Variants in FRAS1 observed in about 807,000 individuals in gnomAD.
The protein encoded by FRAS1 is Fraser extracellular matrix complex subunit 1.
FRAS1 carries 290 observed loss-of-function variants against 435.2 expected under a neutral mutation model. The ratio of observed to expected loss-of-function variants is 0.67; its 90% CI spans 0.61 to 0.73. The LOEUF (loss-of-function observed/expected upper bound fraction) is 0.73, where lower values mean the gene tolerates loss of function less well. FRAS1 is among the 30% of genes least tolerant of loss of function. The pLI, the probability that FRAS1 is intolerant of heterozygous loss-of-function variation, is 0.00. For missense variants in FRAS1, 4,860 were observed against 5,001.5 expected (o/e 0.97, Z 0.85); for synonymous variants, 1,800 against 1,851.0 (o/e 0.97, Z 0.71).
intron 2 of FRAS1, among the ~76,000 whole-genome samples, chr4:78,202,624 G>A (rs1326920686): frequency 6.6e-6 from 1 of 152,208 alleles, no homozygotes; most frequent in Non-Finnish European, 1.5e-5. Flanking sequence ...CCAGCAAGCA[G>A]AGGTTGCAGT....
chr4:78,087,840 G>T (rs1741275480), intron 2 of FRAS1, among the ~76,000 whole-genome samples: 1 of 152,126 alleles, frequency 6.6e-6, no homozygotes, highest in Non-Finnish European at 1.5e-5. Flanking sequence ...TGTGAAAATG[G>T]CCATACTGCC....
intron 2 of FRAS1, among the ~76,000 whole-genome samples, chr4:78,159,287 T>C (rs1025484577): frequency 3.9e-5 from 6 of 152,050 alleles, no homozygotes; most frequent in African/African-American, 1.4e-4. Flanking sequence ...ATGGAAAATA[T>C]AGAGGAAGTG....
intron 2 of FRAS1, among the ~76,000 whole-genome samples, chr4:78,214,015 G>A (rs181045130): frequency 4.6e-5 from 7 of 152,336 alleles, no homozygotes; most frequent in African/African-American, 1.7e-4. Context: ...GCTGGAACTC[G>A]GGAATAAGGT....
intron 23 of FRAS1, among the ~76,000 whole-genome samples, chr4:78,371,621 T>A (rs61366363): frequency 0.17 from 25,391 of 152,118 alleles, 2,706 homozygotes; most frequent in East Asian, 0.33. Flanking sequence ...GATAAAAACA[T>A]GATTGTAGGA....
chr4:78,280,641 A>G (rs1405788072), intron 10 of FRAS1, among the ~76,000 whole-genome samples: 1 of 147,860 alleles, frequency 6.8e-6, no homozygotes, highest in African/African-American at 2.5e-5. Flanking sequence ...GTTTCTGTAC[A>G]TTCTGGGGAG....
chr4:78,186,294 C>A (rs191571704), intron 2 of FRAS1, among the ~76,000 whole-genome samples: 23 of 151,940 alleles, frequency 1.5e-4, no homozygotes, highest in Admixed American at 1.2e-3. Context: ...TTGATAGGAG[C>A]CTGGGCCAGA....
chr4:78,067,698 TA>T (rs2109852368), intron 2 of FRAS1, among the ~76,000 whole-genome samples: 1 of 138,074 alleles, frequency 7.2e-6, no homozygotes, highest in South Asian at 2.4e-4. Context: ...TTATTATTAT[TA>T]TTATTATTAT....
At chr4:78,346,659 T>C (rs1385913382) in intron 20 of FRAS1, among the ~76,000 whole-genome samples, 1 of 152,208 alleles carries the variant, frequency 6.6e-6, no homozygotes, top group Non-Finnish European at 1.5e-5. Context: ...AGTCTACAAC[T>C]CTGCTTTCTT....
intron 29 of FRAS1, among the ~76,000 whole-genome samples, chr4:78,393,328 G>T (rs1462873712): frequency 6.6e-6 from 1 of 151,924 alleles, no homozygotes; most frequent in Non-Finnish European, 1.5e-5. Flanking sequence ...CTTATCCTTT[G>T]TGTATCTACT....
At chr4:78,104,916 A>C (rs1742313662) in intron 2 of FRAS1, among the ~76,000 whole-genome samples, 2 of 152,242 alleles carry the variant, frequency 1.3e-5, no homozygotes, top group South Asian at 4.1e-4. Context: ...AATTGAACTA[A>C]TCCTGACTCT....
chr4:78,173,956 C>T (rs552510644), intron 2 of FRAS1, among the ~76,000 whole-genome samples: 44 of 152,334 alleles, frequency 2.9e-4, no homozygotes, highest in Middle Eastern at 3.4e-3. Context: ...TCATCAGTTA[C>T]TGTGTGCATT....
intron 71 of FRAS1, among the ~76,000 whole-genome samples, chr4:78,535,793 T>C (rs1047071552): frequency 2.0e-5 from 3 of 152,350 alleles, no homozygotes; most frequent in South Asian, 4.1e-4. Flanking sequence ...ACCTTTCCGC[T>C]TAAAACCCTC....
intron 28 of FRAS1, among the ~76,000 whole-genome samples, chr4:78,386,986 T>C (rs1362739872): frequency 2.6e-5 from 4 of 152,148 alleles, no homozygotes; most frequent in African/African-American, 7.2e-5. Context: ...TCAGAGTCAG[T>C]ATACCACAAC....
At chr4:78,256,511 A>G (rs1349286900) in intron 6 of FRAS1, among the ~76,000 whole-genome samples, 1 of 152,214 alleles carries the variant, frequency 6.6e-6, no homozygotes, top group Non-Finnish European at 1.5e-5. Context: ...GGTGGGAAGG[A>G]GGAATGGAAA....
intron 15 of FRAS1, among the ~76,000 whole-genome samples, chr4:78,313,708 C>A (rs1371982131): frequency 6.6e-6 from 1 of 151,456 alleles, no homozygotes; most frequent in East Asian, 1.9e-4. Context: ...AGCAATCATT[C>A]AAACTTTTCT....
intron 20 of FRAS1, among the ~76,000 whole-genome samples, chr4:78,361,777 T>C (rs1334726522): frequency 6.6e-6 from 1 of 152,144 alleles, no homozygotes; most frequent in East Asian, 1.9e-4. Flanking sequence ...TTTGGGGCCA[T>C]GGGTGGTGCA....
intron 18 of FRAS1, among the ~76,000 whole-genome samples, chr4:78,332,744 C>G (rs560777457): frequency 6.6e-6 from 1 of 152,176 alleles, no homozygotes; most frequent in Non-Finnish European, 1.5e-5. Context: ...CAGTAGCTTG[C>G]TTGGGTGTCT....
At chr4:78,512,387 A>C (rs1721068419) in intron 64 of FRAS1, among the ~76,000 whole-genome samples, 1 of 152,184 alleles carries the variant, frequency 6.6e-6, no homozygotes, top group Non-Finnish European at 1.5e-5. Context: ...CTTCCTAGAA[A>C]AAAGGCCCTC....
intron 26 of FRAS1, among the ~76,000 whole-genome samples, chr4:78,377,778 C>T (rs2110316488): frequency 6.6e-6 from 1 of 152,260 alleles, no homozygotes; most frequent in African/African-American, 2.4e-5. Context: ...GTTCTCAAAG[C>T]CAGCAGCCCG....
Sources: gnomAD v4.1 joint callset for allele counts (sites outside exome capture counted in the v4.1 genomes callset) on GRCh38, gnomAD v4.1.1 for gene constraint, MANE v1.5 for transcripts, NCBI Gene and HGNC (gene_info 2026-07-23, HGNC 2026-07-21) for gene names.